Variants in RIC8B observed in about 807,000 individuals in gnomAD.
RIC8B encodes the protein chaperone Ric-8B.
RIC8B carries 16 observed loss-of-function variants against 57.5 expected under a neutral mutation model. The ratio of observed to expected loss-of-function variants is 0.28; its 90% CI spans 0.19 to 0.42. RIC8B has a LOEUF of 0.42. Among genes scored for constraint, RIC8B ranks in the 10% least tolerant of loss-of-function variants. RIC8B has a pLI of 1.00. For missense variants in RIC8B, 481 were observed against 677.0 expected, an observed-to-expected ratio of 0.71 and a Z score of 3.21; for synonymous variants, 216 against 250.8, an observed-to-expected ratio of 0.86 and a Z score of 1.31.
chr12:106,810,066 AT>A (rs2045265421), intron 2 of RIC8B, among the ~76,000 whole-genome samples: 1 of 151,122 alleles, frequency 6.6e-6, no homozygotes, highest in African/African-American at 2.4e-5. Flanking sequence ...TTAGGAAAAA[AT>A]AAAACATAAT....
chr12:106,804,327 G>T (rs907203690), intron 2 of RIC8B, among the ~76,000 whole-genome samples: 1 of 151,440 alleles, frequency 6.6e-6, no homozygotes, highest in African/African-American at 2.4e-5. Flanking sequence ...CGATTCTCCT[G>T]CCCCAGCCTC....
chr12:106,868,438 TA>T (rs1950230998), intron 8 of RIC8B: 1 of 418,760 alleles, frequency 2.4e-6, no homozygotes, highest in South Asian at 1.7e-5. Context: ...GTATCTATAA[TA>T]AGCACCTTTA....
intron 9 of RIC8B, among the ~76,000 whole-genome samples, chr12:106,883,072 C>T (rs112707965): frequency 0.019 from 2,902 of 152,024 alleles, 97 homozygotes; most frequent in African/African-American, 0.067. Flanking sequence ...AGTAGCTAGC[C>T]CCAGAATCAT....
At chr12:106,786,026 T>G (rs140730748) in intron 2 of RIC8B, among the ~76,000 whole-genome samples, 1 of 151,800 alleles carries the variant, frequency 6.6e-6, no homozygotes, top group African/African-American at 2.4e-5. Flanking sequence ...TTTAAATTTT[T>G]TGTAGAGACG....
chr12:106,817,655 T>TA (rs1179219365), intron 3 of RIC8B, among the ~76,000 whole-genome samples: 130 of 144,662 alleles, frequency 9.0e-4, no homozygotes, highest in South Asian at 2.4e-3. Context: ...CCGTCTCTAC[T>TA]AAAAAAAAAA....
rs560683058 is a variant in RIC8B at position 106,879,393 on chromosome 12, GGAAA to G, written c.1572-6508_1572-6505del. On this transcript the variant is annotated intron_variant, in intron 9 of 9. Coordinates refer to ENST00000392837, the MANE Select transcript of RIC8B (RefSeq NM_001330145.2). This position sits in a 1 kb window ranked among gnomAD's most constrained non-coding sequence, Gnocchi z 4.9. ...CCAATTTTGCACTGTCATTTTTGGG[GGAAA>G]GAGTCATATAGGAACCAGAAGCCCT... 195 of 985,196 alleles carry G rather than the reference GGAAA, an allele frequency of 2.0e-4. 5 individuals are homozygous for G. In the South Asian group the frequency reaches 7.9e-3, roughly 40 times the overall value. 61.0% of individuals were successfully genotyped at this position (985,196 alleles called of 1,614,324 possible). A position where few individuals can be genotyped will look rare whatever the true frequency, so the allele number is the denominator to read the frequency against.
chr12:106,882,475 CTTATTATTA>C (rs144970948), intron 9 of RIC8B, among the ~76,000 whole-genome samples: 1 of 151,554 alleles, frequency 6.6e-6, no homozygotes, highest in African/African-American at 2.4e-5. Flanking sequence ...TTTGGTCTAC[CTTATTATTA>C]TTATTATTAT....
At chr12:106,810,467 G>A (rs746183059) in intron 2 of RIC8B, among the ~76,000 whole-genome samples, 8 of 152,286 alleles carry the variant, frequency 5.3e-5, no homozygotes, top group East Asian at 1.9e-4. Flanking sequence ...CTGACAGGAC[G>A]GATGTGCTAA....
intron 1 of RIC8B, chr12:106,775,374 A>G: frequency 2.2e-6 from 1 of 456,096 alleles, no homozygotes; most frequent in Non-Finnish European, 4.4e-6. Flanking sequence ...AGATGAGGAA[A>G]CCGAGGTGCA....
intron 3 of RIC8B, among the ~76,000 whole-genome samples, chr12:106,823,895 A>C (rs1203990742): frequency 6.6e-6 from 1 of 152,208 alleles, no homozygotes; most frequent in Non-Finnish European, 1.5e-5. Context: ...CATGTTGGCC[A>C]GGCTATCCTC....
chr12:106,840,566 C>G (rs1289969866), intron 4 of RIC8B, among the ~76,000 whole-genome samples: 1 of 152,128 alleles, frequency 6.6e-6, no homozygotes, highest in Admixed American at 6.5e-5. Context: ...AAAAAGCTGG[C>G]CTTCCTTACT....
intron 2 of RIC8B, among the ~76,000 whole-genome samples, chr12:106,800,998 T>G (rs10861667): frequency 0.39 from 59,280 of 152,032 alleles, 11,802 homozygotes; most frequent in African/African-American, 0.47. Context: ...TAAATGAGTA[T>G]TGTTCTCTCA....
intron 4 of RIC8B, among the ~76,000 whole-genome samples, chr12:106,826,569 C>T (rs905633819): frequency 6.6e-6 from 1 of 152,044 alleles, no homozygotes; most frequent in Non-Finnish European, 1.5e-5. Context: ...GCCTGGCCAA[C>T]ATGGTGAAAC....
At chr12:106,835,908 C>A (rs2046577229) in intron 4 of RIC8B, among the ~76,000 whole-genome samples, 1 of 152,204 alleles carries the variant, frequency 6.6e-6, no homozygotes. Flanking sequence ...GCTTCCCCAC[C>A]TGTTGCTGCT....
chr12:106,851,425 A>T (rs750985452), intron 6 of RIC8B, 25 bp from the exon 7 acceptor site: 5 of 1,574,858 alleles, frequency 3.2e-6, no homozygotes, highest in African/African-American at 2.8e-5. Context: ...TCGATTGATG[A>T]TGGTTTTTGC....
chr12:106,788,909 G>A (rs2136186744), intron 2 of RIC8B, among the ~76,000 whole-genome samples: 1 of 152,324 alleles, frequency 6.6e-6, no homozygotes, highest in Admixed American at 6.5e-5. Flanking sequence ...TCTGCAACCA[G>A]CTTGAATTTC....
chr12:106,884,825 G>T (rs1260504169), intron 9 of RIC8B, among the ~76,000 whole-genome samples: 3 of 152,148 alleles, frequency 2.0e-5, no homozygotes, highest in Admixed American at 1.3e-4. Context: ...TCCCAGGAGG[G>T]AGCCCTTCTT....
chr12:106,848,402 A>G (rs976856746), intron 6 of RIC8B, among the ~76,000 whole-genome samples: 1 of 152,178 alleles, frequency 6.6e-6, no homozygotes, highest in Non-Finnish European at 1.5e-5. Flanking sequence ...AGCCATGGGA[A>G]CTGGAGAACT....
intron 3 of RIC8B, among the ~76,000 whole-genome samples, chr12:106,815,562 CATTATTCTCTCTTTTTAAG>C (rs2045537285): frequency 6.6e-6 from 1 of 152,204 alleles, no homozygotes; most frequent in African/African-American, 2.4e-5. Context: ...TTCTGAGTTG[CATTATTCTCTCTTTTTAAG>C]AGTGCCGCTT....
Sources: allele counts gnomAD v4.1 joint callset (sites outside exome capture counted in the v4.1 genomes callset), GRCh38; gene constraint gnomAD v4.1.1; non-coding constraint Gnocchi (gnomAD v3.1); transcripts MANE v1.5; gene names NCBI Gene and HGNC (gene_info 2026-07-23, HGNC 2026-07-21).